Variants in VPS13D observed in about 807,000 individuals in gnomAD.
VPS13D encodes the protein intermembrane lipid transfer protein VPS13D.
Under a neutral mutation model 461.9 loss-of-function variants are expected in VPS13D, and 187 were observed. The observed-to-expected ratio is 0.40, with a 90% CI of 0.36 to 0.46. The LOEUF (loss-of-function observed/expected upper bound fraction) is 0.46. VPS13D is among the 20% of genes least tolerant of loss of function. The probability of loss-of-function intolerance (pLI) is 0.60; values close to 1 mark genes in which losing one functional copy is unlikely to be tolerated. For missense variants in VPS13D, 4,711 were observed against 5,364.9 expected (o/e 0.88, Z 3.81); for synonymous variants, 1,951 against 1,986.3 (o/e 0.98, Z 0.47).
chr1:12,478,342 A>G (rs1416356485), intron 67 of VPS13D, among the ~76,000 whole-genome samples: 2 of 152,218 alleles, frequency 1.3e-5, no homozygotes, highest in Non-Finnish European at 2.9e-5. Flanking sequence ...GACGAAAAGG[A>G]GATAATATGA....
intron 63 of VPS13D, among the ~76,000 whole-genome samples, chr1:12,405,126 G>A (rs962977896): frequency 2.6e-5 from 4 of 152,228 alleles, no homozygotes; most frequent in African/African-American, 4.8e-5. Context: ...GCTGCACACC[G>A]GGGTGGTGTC....
intron 2 of VPS13D, among the ~76,000 whole-genome samples, chr1:12,235,307 G>A (rs1480638670): frequency 7.2e-5 from 11 of 152,120 alleles, no homozygotes; most frequent in African/African-American, 2.2e-4. Context: ...GGCCAGGCGC[G>A]GTGGCTCATG....
intron 21 of VPS13D, among the ~76,000 whole-genome samples, chr1:12,287,869 ATG>A (rs1557687547): frequency 1.3e-5 from 2 of 152,296 alleles, no homozygotes; most frequent in East Asian, 3.9e-4. Flanking sequence ...ATTTATCAAA[ATG>A]AGATTTAATG....
intron 60 of VPS13D, among the ~76,000 whole-genome samples, chr1:12,394,742 A>G: frequency 6.6e-6 from 1 of 152,042 alleles, no homozygotes; most frequent in South Asian, 2.1e-4. Flanking sequence ...ACGTTAAACC[A>G]AAGGAGATCA....
chr1:12,402,390 A>G (rs1162530883), intron 62 of VPS13D, among the ~76,000 whole-genome samples: 3 of 152,228 alleles, frequency 2.0e-5, no homozygotes, highest in Non-Finnish European at 4.4e-5. Context: ...GAAAAAAGTC[A>G]GTAATACTCA....
At chr1:12,254,853 G>A (rs1569694447) in intron 7 of VPS13D, among the ~76,000 whole-genome samples, 1 of 151,718 alleles carries the variant, frequency 6.6e-6, no homozygotes, top group Non-Finnish European at 1.5e-5. Context: ...TAAATAATTT[G>A]TAGGTGGTTT....
chr1:12,392,443 C>T (rs1644439185), intron 60 of VPS13D, among the ~76,000 whole-genome samples: 2 of 149,626 alleles, frequency 1.3e-5, no homozygotes, highest in African/African-American at 2.5e-5. Context: ...CACTCCTTTA[C>T]ACTCCAGCCT....
At chr1:12,319,042 TATTAA>T (rs1470561370) in intron 31 of VPS13D, among the ~76,000 whole-genome samples, 1 of 152,246 alleles carries the variant, frequency 6.6e-6, no homozygotes, top group African/African-American at 2.4e-5. Context: ...AAAATCTCGA[TATTAA>T]ATTGGTCTGT....
chr1:12,313,035 A>G (rs1642797392), intron 29 of VPS13D, among the ~76,000 whole-genome samples: 1 of 152,168 alleles, frequency 6.6e-6, no homozygotes. Context: ...TTGATCTCTT[A>G]TCAGTCCTGT....
At position 12,449,237 on chromosome 1, in the gene VPS13D, T is replaced by G. The variant is rs569732594; in HGVS notation, c.12334-6761T>G. On this transcript the variant is annotated intron_variant, in intron 65 of 69. Transcript: ENST00000620676. ...TATTGTTTTTATTCAGGGTCCCCTT[T>G]CTGGATTCCTCCCCTTTTTTTCTCT... Among the ~76,000 whole-genome samples, 245 of 152,326 alleles carry G rather than the reference T, an allele frequency of 1.6e-3. 1 individual carries two copies. Among genetic ancestry groups the G allele is most frequent in the African/African-American group, 5.7e-3 (235 of 41,582 alleles).
At chr1:12,452,673 G>A (rs1645277507) in intron 65 of VPS13D, among the ~76,000 whole-genome samples, 1 of 152,214 alleles carries the variant, frequency 6.6e-6, no homozygotes, top group African/African-American at 2.4e-5. Context: ...CAGTGAACTG[G>A]CCCAGGGCCC....
intron 66 of VPS13D, 151 bp from the exon 67 acceptor site, chr1:12,460,050 C>G: frequency 2.0e-6 from 1 of 506,230 alleles, no homozygotes; most frequent in Non-Finnish European, 3.2e-6. Context: ...TCTGCAGGAT[C>G]CTCTTCTGTG....
At chr1:12,372,138 C>T (rs1557739332) in intron 54 of VPS13D, among the ~76,000 whole-genome samples, 1 of 152,198 alleles carries the variant, frequency 6.6e-6, no homozygotes, top group Non-Finnish European at 1.5e-5. Flanking sequence ...GCTGCATCCT[C>T]AACCTCCTAG....
Position 12,456,009 on chromosome 1 carries a change from AT to A in VPS13D, c.12347del (p.Leu4116TyrfsTer5). On this transcript the variant is annotated frameshift_variant, in exon 66 of 70. Coordinates refer to ENST00000620676, the MANE Select transcript of VPS13D (RefSeq NM_015378.4). LOFTEE classifies it high-confidence loss of function. ...TTAACTCCTTCTAGTTTGCTGGAAC[AT>A]TATCAGATGGCTTAGGGAAGACGAT... ...SNSAAKFAGT[L>X]SDGLGKTMDN... 6.2e-7 allele frequency: 1 copy of A among 1,609,892 alleles called. No homozygotes were observed. The highest frequency in any genetic ancestry group is 8.5e-7 in the Non-Finnish European group (1 of 1,178,562).
At chr1:12,370,127 C>G (rs1644096412) in intron 54 of VPS13D, among the ~76,000 whole-genome samples, 1 of 152,130 alleles carries the variant, frequency 6.6e-6, no homozygotes, top group African/African-American at 2.4e-5. Context: ...TCACCTAAAG[C>G]CAAATATAGT....
Position 12,476,901 on chromosome 1 carries a change from C to T in VPS13D, c.12662+16505C>T, listed in dbSNP as rs1015782701. Among the ~76,000 whole-genome samples the T allele has an allele frequency of 3.3e-5, 5 of 152,242 alleles. 1 individual carries two copies. Among genetic ancestry groups the T allele is most frequent in the South Asian group, 4.2e-4 (2 of 4,808 alleles). ...ACAAGGAAACCTTGTGAGGAAAATC[C>T]GAGAGTATATTTACAGTTTCTGTTC... On this transcript the variant is annotated intron_variant, in intron 67 of 69. Coordinates refer to ENST00000620676, the MANE Select transcript of VPS13D (RefSeq NM_015378.4).
At chr1:12,292,307 A>G (rs1402791480) in intron 23 of VPS13D, among the ~76,000 whole-genome samples, 1 of 138,790 alleles carries the variant, frequency 7.2e-6, no homozygotes, top group Non-Finnish European at 1.6e-5. Context: ...GAAAATAGGG[A>G]GTATAAAATG....
rs1225418208 is a variant in VPS13D, at chr1:12,511,037, G to A, written c.*2013G>A. ...AGATTAAGGAGTTTAGTGTTACTAA[G>A]AAAATCTGCTTTGGGCCGCAGCAGT... On this transcript the variant is annotated 3_prime_UTR_variant, in exon 70 of 70. Transcript: ENST00000620676. The surrounding 1 kb of genome is among the most constrained non-coding windows in gnomAD (Gnocchi z 4.5). 1 of 152,232 alleles carries A rather than the reference G, an allele frequency of 6.6e-6. No individual in the cohort carries two copies. The highest frequency in any genetic ancestry group is 1.9e-4 in the East Asian group (1 of 5,202). The allele number at this position is 152,232 out of a possible 1,614,324, so 9.4% of individuals were successfully genotyped here.
At chr1:12,240,331 A>G (rs1191584529) in intron 2 of VPS13D, among the ~76,000 whole-genome samples, 1 of 152,076 alleles carries the variant, frequency 6.6e-6, no homozygotes, top group African/African-American at 2.4e-5. Context: ...GCGGTGGCTC[A>G]CGCCTGTAAT....
Sources: allele counts gnomAD v4.1 joint callset (sites outside exome capture counted in the v4.1 genomes callset), GRCh38; gene constraint gnomAD v4.1.1; non-coding constraint Gnocchi (gnomAD v3.1); transcripts MANE v1.5; gene names NCBI Gene and HGNC (gene_info 2026-07-23, HGNC 2026-07-21).